PCNX2: variants seen among roughly 807,000 people sequenced by gnomAD.
PCNX2 encodes pecanex-like protein 2.
Under a neutral mutation model 223.8 loss-of-function variants are expected in PCNX2, and 168 were observed. That is an observed-to-expected ratio of 0.75 (90% CI 0.66 to 0.85). PCNX2 has a LOEUF of 0.85. Among genes scored for constraint, PCNX2 ranks in the 40% least tolerant of loss-of-function variants. The probability of loss-of-function intolerance (pLI) is 0.00; values close to 1 mark genes in which losing one functional copy is unlikely to be tolerated. For missense variants in PCNX2, 2,507 were observed against 2,675.5 expected (o/e 0.94, Z 1.39); for synonymous variants, 1,006 against 1,052.6 (o/e 0.96, Z 0.86).
At chr1:233,223,454 T>A (rs1476364519) in intron 10 of PCNX2, among the ~76,000 whole-genome samples, 7 of 152,144 alleles carry the variant, frequency 4.6e-5, no homozygotes, top group Non-Finnish European at 8.8e-5. Context: ...ACAGGATTTT[T>A]AAAAAAATAC....
At chr1:233,296,606 G>A (rs556189643), upstream of PCNX2, among the ~76,000 whole-genome samples, 111 of 152,318 alleles carry the variant, frequency 7.3e-4, no homozygotes, top group African/African-American at 2.6e-3. Context: ...AAAGGAGCTT[G>A]TCTTCCTTTG....
chr1:233,235,270 TGA>T (rs1658316431), intron 9 of PCNX2, among the ~76,000 whole-genome samples: 1 of 152,172 alleles, frequency 6.6e-6, no homozygotes, highest in Non-Finnish European at 1.5e-5. Context: ...CTGAAAGGGC[TGA>T]GTTACCCTAA....
At position 233,126,840 on chromosome 1, in the gene PCNX2, CTTT is replaced by C. The variant is rs1384800918; in HGVS notation, c.3837+8170_3837+8172del. 1.3e-5 allele frequency among the ~76,000 whole-genome samples: 2 copies of C among 152,060 alleles called. No individual in the cohort carries two copies. Among genetic ancestry groups the C allele is most frequent in the Admixed American group, 1.3e-4 (2 of 15,254 alleles). ...CTTTTCCCAAAAACGTCTTTCTCTTCTTTATTATTCCCTAATCTAGTTAATGAC... is the reference window on the plus strand; with the variant it reads ...CTTTTCCCAAAAACGTCTTTCTCTTCATTATTCCCTAATCTAGTTAATGAC... On this transcript the variant is annotated intron_variant, in intron 21 of 33. Coordinates refer to ENST00000258229, the MANE Select transcript of PCNX2 (RefSeq NM_014801.4). This position sits in a 1 kb window ranked among gnomAD's most constrained non-coding sequence, Gnocchi z 4.8.
At chr1:233,056,684 G>A (rs1220506063) in intron 24 of PCNX2, among the ~76,000 whole-genome samples, 2 of 152,050 alleles carry the variant, frequency 1.3e-5, no homozygotes, top group Non-Finnish European at 2.9e-5. Context: ...GGAGTGAGGA[G>A]GACAAAAATA....
intron 1 of PCNX2, among the ~76,000 whole-genome samples, chr1:233,284,657 C>T (rs1384561077): frequency 1.3e-5 from 2 of 152,146 alleles, no homozygotes; most frequent in Non-Finnish European, 2.9e-5. Context: ...CAATATCCAG[C>T]AGAACATCTG....
At chr1:233,043,407 T>A (rs975665481) in intron 25 of PCNX2, among the ~76,000 whole-genome samples, 6 of 152,208 alleles carry the variant, frequency 3.9e-5, no homozygotes, top group Admixed American at 2.0e-4. Context: ...CTTAGATTTT[T>A]AAAAAATTAT....
At position 233,019,223 on chromosome 1, in the gene PCNX2, G is replaced by T. The variant is rs987867850; in HGVS notation, c.4606-2069C>A. The T allele has an allele frequency of 3.4e-5, 33 of 984,582 alleles. No individual in the cohort carries two copies. The African/African-American group carries it at 5.8e-4, about 17-fold the overall frequency. 61.0% of individuals were successfully genotyped at this position (984,582 alleles called of 1,614,324 possible). A position where few individuals can be genotyped will look rare whatever the true frequency, so the allele number is the denominator to read the frequency against. On this transcript the variant is annotated intron_variant, in intron 26 of 33. Transcript: ENST00000258229. ...TTGGGGAGGTTCCTCTGTGGTTCAT[G>T]GCTGATGCTCTCCCTTCTTTTGGAC...
chr1:233,082,982 A>T (rs2102925296), intron 23 of PCNX2, among the ~76,000 whole-genome samples: 1 of 152,318 alleles, frequency 6.6e-6, no homozygotes, highest in African/African-American at 2.4e-5. Context: ...GAGAGTTGAG[A>T]GCGGAAACGT....
intron 19 of PCNX2, among the ~76,000 whole-genome samples, chr1:233,143,014 T>C (rs1176055608): frequency 1.3e-5 from 2 of 152,230 alleles, no homozygotes; most frequent in Non-Finnish European, 1.5e-5. Context: ...ACTTTAATTA[T>C]TACTTCCATG....
the PCNX2 span, among the ~76,000 whole-genome samples, chr1:233,319,156 G>A: frequency 6.6e-6 from 1 of 152,034 alleles, no homozygotes; most frequent in Non-Finnish European, 1.5e-5. Context: ...GACCCTCGAT[G>A]GCAAGGACAA....
intron 12 of PCNX2, chr1:233,211,592 T>C (rs1681822880): frequency 5.8e-6 from 1 of 173,534 alleles, no homozygotes; most frequent in Non-Finnish European, 1.1e-5. Flanking sequence ...CTCATTTTGA[T>C]AAGAGTAAAC....
intron 1 of PCNX2, among the ~76,000 whole-genome samples, chr1:233,279,612 G>A (rs1287057674): frequency 6.6e-6 from 1 of 151,928 alleles, no homozygotes; most frequent in East Asian, 1.9e-4. Flanking sequence ...AGATTACAAG[G>A]TTCTATGTGA....
At chr1:233,294,098 T>A in intron 1 of PCNX2, 1 of 616,572 alleles carries the variant, frequency 1.6e-6, no homozygotes, top group Non-Finnish European at 2.0e-6. Flanking sequence ...ACATCCGTTT[T>A]AATGATATGA....
intron 22 of PCNX2, among the ~76,000 whole-genome samples, chr1:233,094,540 CCACTCTTCG>C (rs1674050073): frequency 6.6e-6 from 1 of 152,124 alleles, no homozygotes; most frequent in Non-Finnish European, 1.5e-5. Context: ...ATTGTGAGAT[CCACTCTTCG>C]TATGCTTAAC....
chr1:233,025,591 C>T, intron 25 of PCNX2, 192 bp from the exon 26 acceptor site: 2 of 676,526 alleles, frequency 3.0e-6, no homozygotes, highest in South Asian at 2.0e-5. Flanking sequence ...TTTATTCACT[C>T]ACATTCAGTC....
intron 17 of PCNX2, among the ~76,000 whole-genome samples, chr1:233,169,803 T>C (rs1039516287): frequency 6.6e-6 from 1 of 152,018 alleles, no homozygotes; most frequent in African/African-American, 2.4e-5. Flanking sequence ...GGCTATCTGA[T>C]CAAAAATCCT....
chr1:233,006,634 G>A (rs939304875), intron 28 of PCNX2, among the ~76,000 whole-genome samples: 3 of 152,158 alleles, frequency 2.0e-5, no homozygotes, highest in Non-Finnish European at 4.4e-5. Flanking sequence ...GGGATGCAGA[G>A]AGAAACAGCT....
intron 19 of PCNX2, among the ~76,000 whole-genome samples, chr1:233,143,999 A>G (rs540717537): frequency 6.6e-6 from 1 of 152,210 alleles, no homozygotes; most frequent in African/African-American, 2.4e-5. Flanking sequence ...TGGGCAATAT[A>G]GGGAGACCCT....
intron 32 of PCNX2, among the ~76,000 whole-genome samples, chr1:232,987,012 G>A (rs1205860502): frequency 6.6e-6 from 1 of 152,202 alleles, no homozygotes; most frequent in Admixed American, 6.5e-5. Context: ...AAACGTGCAG[G>A]GTTCTGTCAT....
Sources: allele counts gnomAD v4.1 joint callset (sites outside exome capture counted in the v4.1 genomes callset), GRCh38; gene constraint gnomAD v4.1.1; non-coding constraint Gnocchi (gnomAD v3.1); transcripts MANE v1.5; gene names NCBI Gene and HGNC (gene_info 2026-07-23, HGNC 2026-07-21).